The following UBASH3B variants were observed in gnomAD, a reference collection of about 807,000 sequenced individuals.
UBASH3B encodes the protein ubiquitin-associated and SH3 domain-containing protein B.
A neutral mutation model predicts 83.4 loss-of-function variants in UBASH3B; 37 were observed. That is an observed-to-expected ratio of 0.44 (90% CI 0.34 to 0.58). The LOEUF (loss-of-function observed/expected upper bound fraction) is 0.58, where lower values mean the gene tolerates loss of function less well. Ranked by LOEUF, UBASH3B falls within the 20% of genes least tolerant of loss-of-function variation. The probability of loss-of-function intolerance (pLI) is 0.01; values close to 1 mark genes in which losing one functional copy is unlikely to be tolerated. For missense variants in UBASH3B, 657 were observed against 827.2 expected (o/e 0.79, Z 2.52); for synonymous variants, 304 against 318.3 (o/e 0.96, Z 0.48).
At chr11:122,697,680 GC>G (rs1304636055) in intron 1 of UBASH3B, among the ~76,000 whole-genome samples, 1 of 152,070 alleles carries the variant, frequency 6.6e-6, no homozygotes, top group East Asian at 1.9e-4. Flanking sequence ...TTGTTTATTT[GC>G]TGCTTCAGCA....
intron 1 of UBASH3B, among the ~76,000 whole-genome samples, chr11:122,744,089 C>A (rs1021070679): frequency 1.3e-5 from 2 of 152,208 alleles, no homozygotes; most frequent in Non-Finnish European, 2.9e-5. Context: ...CTTTTGAATC[C>A]AGCCCATGCA....
At chr11:122,738,486 A>T (rs1322087195) in intron 1 of UBASH3B, among the ~76,000 whole-genome samples, 1 of 152,204 alleles carries the variant, frequency 6.6e-6, no homozygotes, top group Non-Finnish European at 1.5e-5. Context: ...AAGGACAGGC[A>T]TGGCAAGAAG....
intron 1 of UBASH3B, among the ~76,000 whole-genome samples, chr11:122,770,795 G>C (rs1860629080): frequency 6.6e-6 from 1 of 152,094 alleles, no homozygotes; most frequent in Non-Finnish European, 1.5e-5. Context: ...ATCAGTCTCA[G>C]CTTTATTCAG....
At chr11:122,667,629 G>T (rs1313199917) in intron 1 of UBASH3B, among the ~76,000 whole-genome samples, 2 of 152,172 alleles carry the variant, frequency 1.3e-5, no homozygotes, top group African/African-American at 2.4e-5. Flanking sequence ...GCACCAATAA[G>T]ACAGGAGCAA....
intron 10 of UBASH3B, among the ~76,000 whole-genome samples, chr11:122,800,981 C>T (rs1269774716): frequency 3.3e-5 from 5 of 152,156 alleles, no homozygotes; most frequent in Admixed American, 3.3e-4. Flanking sequence ...AGCATACATC[C>T]TGGGGGTACG....
chr11:122,780,681 C>T (rs755901875), intron 4 of UBASH3B, among the ~76,000 whole-genome samples: 38 of 152,142 alleles, frequency 2.5e-4, no homozygotes, highest in Non-Finnish European at 5.1e-4. Flanking sequence ...TGCCCTGGGA[C>T]GATGTTGATC....
Position 122,806,626 on chromosome 11 carries a change from A to G in UBASH3B, c.1702+110A>G, listed in dbSNP as rs1211955164. On this transcript the variant is annotated intron_variant, in intron 12 of 13. Transcript: ENST00000284273. The surrounding 1 kb of genome is among the most constrained non-coding windows in gnomAD (Gnocchi z 4.0). ...TTGCTTTGGCTAACCAAAGAAATGT[A>G]TTTCCAGATTTTCTTCCAGATACTT... is the stretch of plus-strand genomic sequence containing the variant. 1 of 1,335,924 alleles carries G rather than the reference A, an allele frequency of 7.5e-7. No homozygotes were observed. The highest frequency in any genetic ancestry group is 3.0e-5 in the East Asian group (1 of 32,914). 82.8% of individuals were successfully genotyped at this position (1,335,924 alleles called of 1,614,324 possible). A position where few individuals can be genotyped will look rare whatever the true frequency, so the allele number is the denominator to read the frequency against.
intron 1 of UBASH3B, among the ~76,000 whole-genome samples, chr11:122,669,784 C>T (rs1187434984): frequency 6.6e-6 from 1 of 152,176 alleles, no homozygotes; most frequent in African/African-American, 2.4e-5. Flanking sequence ...TTATTATACC[C>T]ATTTTACAGA....
At chr11:122,698,096 T>C (rs1273155344) in intron 1 of UBASH3B, among the ~76,000 whole-genome samples, 1 of 152,004 alleles carries the variant, frequency 6.6e-6, no homozygotes, top group African/African-American at 2.4e-5. Flanking sequence ...GAAACCAGGG[T>C]GGTGGAATGA....
At chr11:122,716,659 C>T (rs1053647217) in intron 1 of UBASH3B, among the ~76,000 whole-genome samples, 1 of 152,142 alleles carries the variant, frequency 6.6e-6, no homozygotes, top group Non-Finnish European at 1.5e-5. Context: ...CAGTCTGCCC[C>T]GCTCTGTAAG....
intron 1 of UBASH3B, among the ~76,000 whole-genome samples, chr11:122,764,667 G>A (rs1407663751): frequency 6.6e-6 from 1 of 152,256 alleles, no homozygotes; most frequent in Non-Finnish European, 1.5e-5. Context: ...CTGAAAGAGT[G>A]ACCGTATCAG....
intron 4 of UBASH3B, 51 bp from the exon 5 acceptor site, chr11:122,783,002 T>C: frequency 6.3e-7 from 1 of 1,578,818 alleles, no homozygotes; most frequent in Middle Eastern, 1.7e-4. Flanking sequence ...GTCTTCACCA[T>C]TGCTATCATC....
chr11:122,718,328 A>G (rs1303021131), intron 1 of UBASH3B, among the ~76,000 whole-genome samples: 2 of 152,212 alleles, frequency 1.3e-5, no homozygotes, highest in Non-Finnish European at 2.9e-5. Flanking sequence ...AAACTACTTA[A>G]CATAGAGCCC....
chr11:122,813,082 T>G lies in UBASH3B; in HGVS notation c.*3196T>G, dbSNP rs1473988885. ...GAATTATTTTAAAGTAACCTTATAT[T>G]TAAAAGATGATTTTGCAAAAAATAA... On this transcript the variant is annotated 3_prime_UTR_variant, in exon 14 of 14. Coordinates refer to ENST00000284273, the MANE Select transcript of UBASH3B (RefSeq NM_032873.5). The G allele has an allele frequency of 6.6e-6, 1 of 152,568 alleles. No homozygotes were observed. The highest frequency in any genetic ancestry group is 1.9e-4 in the East Asian group (1 of 5,200). 9.5% of individuals were successfully genotyped at this position (152,568 alleles called of 1,614,324 possible).
At chr11:122,710,267 A>G (rs1864174921) in intron 1 of UBASH3B, among the ~76,000 whole-genome samples, 1 of 152,154 alleles carries the variant, frequency 6.6e-6, no homozygotes, top group Non-Finnish European at 1.5e-5. Flanking sequence ...CAACAGTTAG[A>G]AGACAGAGGT....
In UBASH3B at chr11:122,772,668, T is replaced by C. The variant is rs181264658; in HGVS notation, c.162-3551T>C. Among the ~76,000 whole-genome samples, 3 of 152,204 alleles carry C rather than the reference T, an allele frequency of 2.0e-5. No homozygotes were observed. In the East Asian group the frequency reaches 5.8e-4, roughly 30 times the overall value. On this transcript the variant is annotated intron_variant, in intron 1 of 13. Coordinates refer to ENST00000284273, the MANE Select transcript of UBASH3B (RefSeq NM_032873.5). ...CCTTGAATTCAAAAATCCTCCAAGCTGAGGGCAGAAAGTAGGAAGAATCCC... is the reference window on the plus strand; with the variant it reads ...CCTTGAATTCAAAAATCCTCCAAGCCGAGGGCAGAAAGTAGGAAGAATCCC...
chr11:122,727,942 G>A (rs1860772519), intron 1 of UBASH3B, among the ~76,000 whole-genome samples: 1 of 152,098 alleles, frequency 6.6e-6, no homozygotes, highest in African/African-American at 2.4e-5. Flanking sequence ...CTTACCTAGA[G>A]GAAGTCCACC....
intron 1 of UBASH3B, among the ~76,000 whole-genome samples, chr11:122,657,491 G>C (rs1191182288): frequency 6.6e-6 from 1 of 152,072 alleles, no homozygotes; most frequent in Non-Finnish European, 1.5e-5. Context: ...GTTCTGCCAT[G>C]TTGGCCAGGC....
At chr11:122,784,449 C>T (rs968288620) in intron 5 of UBASH3B, among the ~76,000 whole-genome samples, 3 of 152,118 alleles carry the variant, frequency 2.0e-5, no homozygotes, top group Admixed American at 1.3e-4. Flanking sequence ...TGCTTGAGAC[C>T]AGGAGTTCCA....
Sources: allele counts gnomAD v4.1 joint callset (sites outside exome capture counted in the v4.1 genomes callset), GRCh38; gene constraint gnomAD v4.1.1; non-coding constraint Gnocchi (gnomAD v3.1); transcripts MANE v1.5; gene names NCBI Gene and HGNC (gene_info 2026-07-23, HGNC 2026-07-21).